PSD3: variants seen among roughly 807,000 people sequenced by gnomAD.
The protein encoded by PSD3 is PH and SEC7 domain-containing protein 3.
PSD3 carries 49 observed loss-of-function variants against 105.5 expected under a neutral mutation model. That is an observed-to-expected ratio of 0.46 (90% CI 0.37 to 0.59). The LOEUF (loss-of-function observed/expected upper bound fraction) is 0.59. PSD3 is among the 20% of genes least tolerant of loss of function. The probability of loss-of-function intolerance (pLI) is 0.00; values close to 1 mark genes in which losing one functional copy is unlikely to be tolerated. For synonymous variants in PSD3, 557 were observed against 457.8 expected (o/e 1.22, Z -2.77); for missense variants, 1,561 against 1,263.8 (o/e 1.24, Z -3.57).
intron 11 of PSD3, among the ~76,000 whole-genome samples, chr8:18,625,922 T>C (rs1806441464): frequency 6.6e-6 from 1 of 151,136 alleles, no homozygotes; most frequent in East Asian, 2.0e-4. Context: ...TTTGGGTATG[T>C]TGTTTCCAGT....
chr8:19,038,635 A>T (rs892335577), intron 1 of PSD3, among the ~76,000 whole-genome samples: 2 of 151,798 alleles, frequency 1.3e-5, no homozygotes, highest in Non-Finnish European at 2.9e-5. Context: ...TAATTTTTTT[A>T]TTTTTTTGTA....
At chr8:18,555,423 G>C (rs1563317337) in intron 15 of PSD3, among the ~76,000 whole-genome samples, 2 of 147,152 alleles carry the variant, frequency 1.4e-5, no homozygotes, top group Non-Finnish European at 3.0e-5. Flanking sequence ...ACACCCACCA[G>C]AAAAAAAAAC....
chr8:18,917,426 A>G (rs1820697088), intron 2 of PSD3, among the ~76,000 whole-genome samples: 1 of 152,186 alleles, frequency 6.6e-6, no homozygotes, highest in Non-Finnish European at 1.5e-5. Flanking sequence ...CTCTAACTAG[A>G]AGTCTTCCGT....
intron 9 of PSD3, among the ~76,000 whole-genome samples, chr8:18,661,892 A>G (rs2130876180): frequency 6.6e-6 from 1 of 152,324 alleles, no homozygotes; most frequent in Non-Finnish European, 1.5e-5. Context: ...TCACATGCCC[A>G]AGTTTAAAGA....
At chr8:18,942,422 G>T (rs771870432) in intron 1 of PSD3, among the ~76,000 whole-genome samples, 1 of 152,162 alleles carries the variant, frequency 6.6e-6, no homozygotes, top group Non-Finnish European at 1.5e-5. Flanking sequence ...TGCAGACAGG[G>T]ACAAGAAGCT....
At chr8:18,879,081 C>CACACACAT (rs1817934227) in intron 2 of PSD3, among the ~76,000 whole-genome samples, 1 of 145,536 alleles carries the variant, frequency 6.9e-6, no homozygotes, top group African/African-American at 2.6e-5. Context: ...CACACACACA[C>CACACACAT]ACACACGCAC....
At chr8:18,699,596 G>A (rs889558256) in intron 9 of PSD3, among the ~76,000 whole-genome samples, 2 of 152,150 alleles carry the variant, frequency 1.3e-5, no homozygotes, top group Non-Finnish European at 2.9e-5. Flanking sequence ...ATGAAGGATA[G>A]TGCCCTTAGA....
intron 9 of PSD3, among the ~76,000 whole-genome samples, chr8:18,716,327 GGA>G (rs1356546796): frequency 6.6e-5 from 10 of 152,168 alleles, no homozygotes; most frequent in South Asian, 6.2e-4. Flanking sequence ...AGCAGCAAGA[GGA>G]GAGGGAAATA....
chr8:18,987,570 G>C (rs1825572866), intron 1 of PSD3, among the ~76,000 whole-genome samples: 1 of 150,694 alleles, frequency 6.6e-6, no homozygotes, highest in South Asian at 2.2e-4. Flanking sequence ...TGTAATCCCA[G>C]TACTTTGAAA....
intron 1 of PSD3, among the ~76,000 whole-genome samples, chr8:19,026,690 C>T (rs10106367): frequency 0.089 from 10,083 of 112,876 alleles, 1,230 homozygotes; most frequent in African/African-American, 0.3. Flanking sequence ...CATAGCAAGA[C>T]CACATCTCTA....
At chr8:18,560,171 A>G (rs1166737977) in intron 14 of PSD3, among the ~76,000 whole-genome samples, 1 of 117,610 alleles carries the variant, frequency 8.5e-6, no homozygotes, top group East Asian at 2.6e-4. Flanking sequence ...AAAGATACAC[A>G]TTTTACACAC....
intron 12 of PSD3, among the ~76,000 whole-genome samples, chr8:18,595,388 A>G (rs1348235153): frequency 1.3e-5 from 2 of 151,908 alleles, no homozygotes; most frequent in Non-Finnish European, 2.9e-5. Context: ...ATTACTTTAA[A>G]TATGAATGGA....
chr8:18,573,962 G>C (rs1231198284), intron 13 of PSD3, among the ~76,000 whole-genome samples: 1 of 152,050 alleles, frequency 6.6e-6, no homozygotes, highest in African/African-American at 2.4e-5. Flanking sequence ...ACCTCAATAA[G>C]ACTATTTAGA....
intron 10 of PSD3, among the ~76,000 whole-genome samples, chr8:18,655,221 C>T (rs57161598): frequency 0.055 from 8,210 of 149,752 alleles, 274 homozygotes; most frequent in African/African-American, 0.094. Context: ...CCCAGCTACT[C>T]GGGAGGCTGA....
intron 1 of PSD3, among the ~76,000 whole-genome samples, chr8:18,938,594 G>A (rs1179262127): frequency 3.7e-5 from 5 of 135,054 alleles, no homozygotes; most frequent in African/African-American, 1.4e-4. Context: ...TTGCACTCCA[G>A]CCTAGGCGAC....
At chr8:18,760,460 T>A (rs1806425332) in intron 9 of PSD3, among the ~76,000 whole-genome samples, 1 of 151,920 alleles carries the variant, frequency 6.6e-6, no homozygotes, top group Admixed American at 6.6e-5. Flanking sequence ...TGAGATCAAC[T>A]TTTTTAGATT....
chr8:18,574,900 C>T (rs1181479434), intron 13 of PSD3, among the ~76,000 whole-genome samples: 1 of 152,082 alleles, frequency 6.6e-6, no homozygotes, highest in African/African-American at 2.4e-5. Context: ...TGGTAAGTGG[C>T]TGACTAAAAG....
At chr8:18,736,226 C>G (rs1180690049) in intron 9 of PSD3, among the ~76,000 whole-genome samples, 2 of 152,188 alleles carry the variant, frequency 1.3e-5, no homozygotes, top group Non-Finnish European at 2.9e-5. Context: ...AATCAACACT[C>G]TAGCTCTGCC....
At position 19,013,589 on chromosome 8, in the gene PSD3, A is replaced by C; in HGVS notation, c.-6T>G. The C allele has an allele frequency of 6.7e-7, 1 of 1,503,004 alleles. No individual in the cohort carries two copies. The highest frequency in any genetic ancestry group is 8.8e-7 in the Non-Finnish European group (1 of 1,134,118). The allele number at this position is 1,503,004 out of a possible 1,614,324, so 93.1% of individuals were successfully genotyped here. A position where few individuals can be genotyped will look rare whatever the true frequency, so the allele number is the denominator to read the frequency against. ...GCTGCGCTCCTTCCTTCCATCTTCC[A>C]TCGCCAGCCCGGCCGCGCGCCGAAA... is the stretch of plus-strand genomic sequence containing the variant. On this transcript the variant is annotated 5_prime_UTR_variant, in exon 1 of 16. It removes an upstream start codon present in the reference 5' UTR. Coordinates refer to ENST00000327040, the MANE Select transcript of PSD3 (RefSeq NM_015310.4).
Sources: allele counts gnomAD v4.1 joint callset (sites outside exome capture counted in the v4.1 genomes callset), GRCh38; gene constraint gnomAD v4.1.1; transcripts MANE v1.5; gene names NCBI Gene and HGNC (gene_info 2026-07-23, HGNC 2026-07-21).